Variants in FRY observed in about 807,000 individuals in gnomAD.
FRY encodes the protein FRY microtubule binding protein.
Under a neutral mutation model 348.4 loss-of-function variants are expected in FRY, and 128 were observed. The observed-to-expected ratio is 0.37, with a 90% confidence interval of 0.32 to 0.43. The LOEUF (loss-of-function observed/expected upper bound fraction) is 0.43, where lower values mean the gene tolerates loss of function less well. FRY is among the 20% of genes least tolerant of loss of function. FRY has a pLI of 1.00. For missense variants in FRY, 2,736 were observed against 3,695.2 expected (o/e 0.74, Z 6.73); for synonymous variants, 1,370 against 1,374.7 (o/e 1.00, Z 0.08).
rs115433587 is a variant in FRY, at chr13:32,266,611, C to T, written c.7947-559C>T. ...CTGAAGGCTAAAAGAAGTACCAAGT[C>T]TATAGAAAGGGAATCTGAAATGGAG... On this transcript the variant is annotated intron_variant, in intron 54 of 60. Coordinates refer to ENST00000542859, the MANE Select transcript of FRY (RefSeq NM_023037.3). Among the ~76,000 whole-genome samples, 595 of 152,306 alleles carry T rather than the reference C, an allele frequency of 3.9e-3. 4 individuals are homozygous for T. Among genetic ancestry groups the T allele is most frequent in the African/African-American group, 0.014 (567 of 41,562 alleles).
At chr13:32,257,881 A>T in intron 51 of FRY, 2 of 1,167,710 alleles carry the variant, frequency 1.7e-6, no homozygotes, top group Non-Finnish European at 2.6e-6. Flanking sequence ...TAACACTAAG[A>T]GAAATGTTCT....
chr13:32,261,439 T>C (rs1887641114), intron 51 of FRY, 177 bp from the exon 52 acceptor site: 2 of 766,720 alleles, frequency 2.6e-6, no homozygotes, highest in South Asian at 1.4e-5. Context: ...TACATGAAAA[T>C]AGTGTGCTTT....
chr13:32,175,010 C>A (rs1340320050), intron 19 of FRY, among the ~76,000 whole-genome samples: 1 of 152,078 alleles, frequency 6.6e-6, no homozygotes, highest in African/African-American at 2.4e-5. Flanking sequence ...GATACTCTCT[C>A]GTGCCCTTTC....
At chr13:32,258,468 C>A (rs1296174313) in intron 51 of FRY, among the ~76,000 whole-genome samples, 1 of 152,080 alleles carries the variant, frequency 6.6e-6, no homozygotes, top group East Asian at 1.9e-4. Context: ...TAAAAATTAG[C>A]CATGCCTGGA....
intron 2 of FRY, among the ~76,000 whole-genome samples, chr13:32,097,947 A>T (rs442689): frequency 0.71 from 105,691 of 149,092 alleles, 37,111 homozygotes; most frequent in South Asian, 0.8. Context: ...GAGTATTTTT[A>T]AAAAAATTTA....
chr13:32,212,251 G>C (rs755666603), intron 34 of FRY, 41 bp from the exon 35 acceptor site: 30 of 1,140,822 alleles, frequency 2.6e-5, no homozygotes, highest in Middle Eastern at 1.9e-4. Context: ...CCCTCAGCTT[G>C]CATCTTTTTA....
intron 1 of FRY, among the ~76,000 whole-genome samples, chr13:32,043,935 C>G (rs1285768595): frequency 6.8e-6 from 1 of 147,348 alleles, no homozygotes; most frequent in African/African-American, 2.5e-5. Context: ...TGGCTCACAC[C>G]TGTAATCCTA....
At chr13:32,141,598 A>C (rs1880074591) in intron 11 of FRY, among the ~76,000 whole-genome samples, 1 of 152,188 alleles carries the variant, frequency 6.6e-6, no homozygotes, top group African/African-American at 2.4e-5. Context: ...AGAATATCTA[A>C]GGTGCAACCC....
At chr13:32,137,072 G>A (rs1417271247) in intron 11 of FRY, 100 bp downstream of exon 11, 3 of 764,960 alleles carry the variant, frequency 3.9e-6, no homozygotes, top group Non-Finnish European at 7.2e-6. Flanking sequence ...TGTTTGCCAG[G>A]GGAATTGTCC....
At chr13:32,140,987 A>G (rs1880029771) in intron 11 of FRY, among the ~76,000 whole-genome samples, 1 of 152,170 alleles carries the variant, frequency 6.6e-6, no homozygotes, top group Non-Finnish European at 1.5e-5. Context: ...TTTAAATGGT[A>G]TAGTATAGCT....
At chr13:32,233,151 A>G (rs143347192) in intron 41 of FRY, among the ~76,000 whole-genome samples, 14 of 152,314 alleles carry the variant, frequency 9.2e-5, no homozygotes, top group African/African-American at 3.4e-4. Flanking sequence ...GTCTGAAGTC[A>G]ATTTTCCAGG....
intron 54 of FRY, among the ~76,000 whole-genome samples, chr13:32,266,744 G>A (rs1379465394): frequency 1.3e-5 from 2 of 152,166 alleles, no homozygotes; most frequent in Non-Finnish European, 2.9e-5. Flanking sequence ...GCCACTTTGG[G>A]AGGCCGAACT....
In FRY at chr13:32,249,459, G is replaced by A. The variant is rs993182383; in HGVS notation, c.7009-67G>A. 76 of 1,555,308 alleles carry A rather than the reference G, an allele frequency of 4.9e-5. No individual in the cohort carries two copies. The East Asian group carries it at 1.3e-3, about 26-fold the overall frequency. ...AATAAGCAGCTCTTGGTTGCTTCTG[G>A]GGAGAAGGGTTTCATATATCACAAA... On this transcript the variant is annotated intron_variant, in intron 48 of 60. Coordinates refer to ENST00000542859, the MANE Select transcript of FRY (RefSeq NM_023037.3).
At chr13:32,189,116 A>G (rs1422922694) in intron 28 of FRY, among the ~76,000 whole-genome samples, 1 of 152,118 alleles carries the variant, frequency 6.6e-6, no homozygotes, top group Admixed American at 6.6e-5. Context: ...CTTTGGAAGA[A>G]TTGCCCCATA....
In FRY at chr13:32,175,595, T is replaced by C; in HGVS notation, c.2384T>C (p.Ile795Thr). Residue 795 changes from isoleucine to threonine, a missense_variant, in exon 20 of 61, where the codon ATT becomes ACT. By Grantham distance (89) the Ile-to-Thr change is moderately conservative. This residue lies in a region of FRY where 449 missense variants were observed against 576.9 expected (regional missense o/e 0.78). Coordinates refer to ENST00000542859, the MANE Select transcript of FRY (RefSeq NM_023037.3). ...IDVMDQLSSS[I>T]LESFIHVAVS... ...GTCATGGATCAGCTAAGTTCTTCCATTCTAGAAAGTTTTATTCATGTAGCA... is the reference window on the plus strand; with the variant it reads ...GTCATGGATCAGCTAAGTTCTTCCACTCTAGAAAGTTTTATTCATGTAGCA... 6 of 1,611,496 alleles carry C rather than the reference T, an allele frequency of 3.7e-6. No individual in the cohort carries two copies. The highest frequency in any genetic ancestry group is 5.1e-6 in the Non-Finnish European group (6 of 1,177,602).
intron 2 of FRY, among the ~76,000 whole-genome samples, chr13:32,082,395 G>T (rs753930219): frequency 2.6e-5 from 4 of 151,930 alleles, no homozygotes; most frequent in African/African-American, 4.8e-5. Context: ...TATTTTTATT[G>T]CTTCATGGAG....
At chr13:32,069,465 A>G (rs908234472) in intron 1 of FRY, among the ~76,000 whole-genome samples, 2 of 152,162 alleles carry the variant, frequency 1.3e-5, no homozygotes, top group South Asian at 2.1e-4. Flanking sequence ...AGCAAAACCT[A>G]TGGGTAAGGG....
Position 32,209,704 on chromosome 13 carries a change from C to G in FRY, c.4395C>G (p.Val1465=). 6.2e-7 allele frequency: 1 copy of G among 1,614,144 alleles called. No homozygotes were observed. Among genetic ancestry groups the G allele is most frequent in the Non-Finnish European group, 8.5e-7 (1 of 1,179,990 alleles). Residue 1465 remains valine, a synonymous_variant, in exon 33 of 61, where the codon GTC becomes GTG. Transcript: ENST00000542859. The stretch of plus-strand genomic sequence containing the variant: ...AGTTCCTGATTAGCCTCTGTGGGGT[C>G]AGCAGCGACACAGTTCTCCTACCCT... ...TLQFLISLCG[V]SSDTVLLPYI...
chr13:32,046,867 G>A (rs556243387), intron 1 of FRY, among the ~76,000 whole-genome samples: 1 of 152,312 alleles, frequency 6.6e-6, no homozygotes, highest in East Asian at 1.9e-4. Flanking sequence ...AAGAAATTAT[G>A]TAGGCTCATT....
Sources: gnomAD v4.1 joint callset for allele counts (sites outside exome capture counted in the v4.1 genomes callset) on GRCh38, gnomAD v4.1.1 for gene constraint, gnomAD v4.1.1 regional missense constraint, MANE v1.5 for transcripts, NCBI Gene and HGNC (gene_info 2026-07-23, HGNC 2026-07-21) for gene names.